CD83: variants seen among roughly 807,000 people sequenced by gnomAD.
The protein encoded by CD83 is CD83 antigen.
A neutral mutation model predicts 24.6 loss-of-function variants in CD83; 22 were observed. The observed-to-expected ratio is 0.90, with a 90% CI of 0.64 to 1.28. The LOEUF (loss-of-function observed/expected upper bound fraction) is 1.28, where lower values mean the gene tolerates loss of function less well. Ranked by LOEUF, CD83 falls within the 50% of genes most tolerant of loss-of-function variation. The pLI, the probability that CD83 is intolerant of heterozygous loss-of-function variation, is 0.00. For synonymous variants in CD83, 101 were observed against 103.5 expected (o/e 0.98, Z 0.14); for missense variants, 253 against 252.8 (o/e 1.00, Z -0.01).
At chr6:14,117,373 A>AT (rs1353859769), upstream of CD83, 7 of 152,108 alleles carry the variant, frequency 4.6e-5, no homozygotes, top group Non-Finnish European at 1.0e-4. The surrounding 1 kb of genome is among the most constrained non-coding windows in gnomAD (Gnocchi z 4.6). Flanking sequence ...GCCTCCGTAA[A>AT]ATGGGCAGAT....
At chr6:14,117,729 C>G, upstream of CD83, 3 of 1,048,716 alleles carry the variant, frequency 2.9e-6, no homozygotes, top group Non-Finnish European at 3.8e-6. This position sits in a 1 kb window ranked among gnomAD's most constrained non-coding sequence, Gnocchi z 4.6. Context: ...CAGGGAAGTT[C>G]CCGAACGCGC....
At chr6:14,118,127 A>G in intron 2 of CD83, 62 bp downstream of exon 2, 2 of 1,261,716 alleles carry the variant, frequency 1.6e-6, no homozygotes, top group Admixed American at 2.2e-5. Context: ...AGCAGGAACC[A>G]TCTCCCCTAG....
chr6:14,132,435 A>G (rs1353906223), intron 3 of CD83, among the ~76,000 whole-genome samples: 1 of 152,202 alleles, frequency 6.6e-6, no homozygotes, highest in Admixed American at 6.5e-5. Context: ...TTCCTCTTCC[A>G]TGGCGATATT....
chr6:14,128,311 C>G (rs111815749), intron 2 of CD83, among the ~76,000 whole-genome samples: 10 of 152,178 alleles, frequency 6.6e-5, no homozygotes, highest in African/African-American at 2.4e-4. Flanking sequence ...CATACGGTCC[C>G]TTGATCCTGC....
chr6:14,117,549 G>T (rs1459742311), upstream of CD83: 1 of 150,316 alleles, frequency 6.7e-6, no homozygotes, highest in African/African-American at 2.5e-5. This position sits in a 1 kb window ranked among gnomAD's most constrained non-coding sequence, Gnocchi z 4.6. Context: ...GCCCGGGCGC[G>T]CGGGGGCGGG....
intron 2 of CD83, among the ~76,000 whole-genome samples, chr6:14,118,983 C>T (rs983647536): frequency 1.3e-5 from 2 of 152,152 alleles, no homozygotes; most frequent in Admixed American, 1.3e-4. Flanking sequence ...TGTAGCTTTC[C>T]CCAAAATGCA....
In CD83 at chr6:14,133,694, C is replaced by G. The variant is rs200108463; in HGVS notation, c.428C>G (p.Ala143Gly). 1 of 1,613,796 alleles carries G rather than the reference C, an allele frequency of 6.2e-7. No homozygotes were observed. Among genetic ancestry groups the G allele is most frequent in the African/African-American group, 1.3e-5 (1 of 75,014 alleles). ...RKEETFKKYR[A>G]EIVLLLALVI... ...GAAGAGACTTTTAAGAAATACAGAGCGGAGATTGTCCTGCTGCTGGCTCTG... is the reference window on the plus strand; with the variant it reads ...GAAGAGACTTTTAAGAAATACAGAGGGGAGATTGTCCTGCTGCTGGCTCTG... Residue 143 changes from alanine to glycine, a missense_variant, in exon 4 of 5, where the codon GCG becomes GGG. By Grantham distance (60) the Ala-to-Gly change is moderately conservative (BLOSUM62 0). Coordinates refer to ENST00000379153, the MANE Select transcript of CD83 (RefSeq NM_004233.4).
At chr6:14,118,828 A>C (rs540204498) in intron 2 of CD83, among the ~76,000 whole-genome samples, 1 of 152,328 alleles carries the variant, frequency 6.6e-6, no homozygotes, top group Admixed American at 6.5e-5. Context: ...CCAAGCAGCT[A>C]CTGTTTGATA....
chr6:14,134,932 T>C (rs1486808304), intron 4 of CD83, among the ~76,000 whole-genome samples, 176 bp from the exon 5 acceptor site: 1 of 152,192 alleles, frequency 6.6e-6, no homozygotes, highest in African/African-American at 2.4e-5. Flanking sequence ...GGTCCAAGTT[T>C]AGAGACGCCA....
Position 14,135,100 on chromosome 6 carries a change from CT to C in CD83, c.490-3del. On this transcript the variant is annotated splice_polypyrimidine_tract_variant and splice_region_variant and intron_variant, in intron 4 of 4. Transcript: ENST00000379153. ...TATTCACTTCACATTTCTTTCATTT[CT>C]TTTTAGAAGTTTGCACGGCTACAGA... The C allele has an allele frequency of 1.3e-5, 21 of 1,613,100 alleles. No individual in the cohort carries two copies. Among genetic ancestry groups the C allele is most frequent in the Non-Finnish European group, 1.8e-5 (21 of 1,179,582 alleles).
rs1284985621 is a variant in CD83 at position 14,135,269 on chromosome 6, T to G, written c.*33T>G. ...TTCTGCAGGTTCTTCTTCCTGAAGCTGAGGCTCAGGGGTGTGCCTGTCTGT... is the reference window on the plus strand; with the variant it reads ...TTCTGCAGGTTCTTCTTCCTGAAGCGGAGGCTCAGGGGTGTGCCTGTCTGT... On this transcript the variant is annotated 3_prime_UTR_variant, in exon 5 of 5. Transcript: ENST00000379153. 12 of 1,610,366 alleles carry G rather than the reference T, an allele frequency of 7.5e-6. No homozygotes were observed. Among genetic ancestry groups the G allele is most frequent in the Non-Finnish European group, 1.0e-5 (12 of 1,177,444 alleles).
At chr6:14,127,679 C>T (rs1759851709) in intron 2 of CD83, among the ~76,000 whole-genome samples, 1 of 152,054 alleles carries the variant, frequency 6.6e-6, no homozygotes, top group African/African-American at 2.4e-5. Flanking sequence ...GGTCAAATCT[C>T]CATTTGAGAG....
chr6:14,122,045 CG>C (rs1477778041), intron 2 of CD83, among the ~76,000 whole-genome samples: 8 of 151,966 alleles, frequency 5.3e-5, no homozygotes, highest in Non-Finnish European at 1.0e-4. Context: ...GGTGATGCTG[CG>C]GGGGTGAGGA....
Position 14,117,892 on chromosome 6 carries a change from T to A in CD83, c.37+44T>A. ...TGTCTCGCCTGTCGCCCCCCGCCCC[T>A]CCACGACACCCCCTCCCGTCGGTCG... On this transcript the variant is annotated intron_variant, in intron 1 of 4. Coordinates refer to ENST00000379153, the MANE Select transcript of CD83 (RefSeq NM_004233.4). This position sits in a 1 kb window ranked among gnomAD's most constrained non-coding sequence, Gnocchi z 4.6. 3 of 1,579,354 alleles carry A rather than the reference T, an allele frequency of 1.9e-6. No homozygotes were observed. The highest frequency in any genetic ancestry group is 1.7e-6 in the Non-Finnish European group (2 of 1,167,032).
At position 14,129,512 on chromosome 6, in the gene CD83, C is replaced by A. The variant is rs112725482; in HGVS notation, c.154-2008C>A. ...TCCTTGGCCCCACCTCCTTTTTGTGCTTTATTTTTGCACACCTATGGGCCC... is the reference window on the plus strand; with the variant it reads ...TCCTTGGCCCCACCTCCTTTTTGTGATTTATTTTTGCACACCTATGGGCCC... On this transcript the variant is annotated intron_variant, in intron 2 of 4. Coordinates refer to ENST00000379153, the MANE Select transcript of CD83 (RefSeq NM_004233.4). The surrounding 1 kb of genome is among the most constrained non-coding windows in gnomAD (Gnocchi z 4.3). 9.6e-3 allele frequency among the ~76,000 whole-genome samples: 1,462 copies of A among 152,272 alleles called. 33 individuals are homozygous for A. The highest frequency in any genetic ancestry group is 0.033 in the African/African-American group (1,373 of 41,540).
At chr6:14,132,775 G>T (rs1435099891) in intron 3 of CD83, among the ~76,000 whole-genome samples, 1 of 152,170 alleles carries the variant, frequency 6.6e-6, no homozygotes, top group African/African-American at 2.4e-5. Context: ...TTCAGGGGTT[G>T]ACATCTCTGG....
intron 3 of CD83, 46 bp downstream of exon 3, chr6:14,131,794 G>A (rs368333644): frequency 4.6e-6 from 6 of 1,311,922 alleles, no homozygotes; most frequent in Non-Finnish European, 5.5e-6. Flanking sequence ...CAATGCATGT[G>A]TACTTCCTTT....
rs1290265665 is a variant in CD83 at position 14,118,042 on chromosome 6, C to G, written c.130C>G (p.Pro44Ala). 1 of 1,609,318 alleles carries G rather than the reference C, an allele frequency of 6.2e-7. No individual in the cohort carries two copies. The highest frequency in any genetic ancestry group is 1.3e-5 in the African/African-American group (1 of 74,764). ...PCTAPWDPQV[P>A]YTVSWVKLLE... ...CACCGCCCCCTGGGATCCGCAGGTT[C>G]CCTACACGGTCTCCTGGGTCAAGGT... Residue 44 changes from proline (P) to alanine (A), a missense_variant, in exon 2 of 5, where the codon CCC becomes GCC. By Grantham distance (27) the Pro-to-Ala change is conservative. Transcript: ENST00000379153.
chr6:14,126,787 C>T (rs987115336), intron 2 of CD83, among the ~76,000 whole-genome samples: 1 of 152,090 alleles, frequency 6.6e-6, no homozygotes, highest in African/African-American at 2.4e-5. Context: ...AACCAAGGTA[C>T]ATGAATGTTA....
Sources: allele counts gnomAD v4.1 joint callset (sites outside exome capture counted in the v4.1 genomes callset), GRCh38; gene constraint gnomAD v4.1.1; non-coding constraint Gnocchi (gnomAD v3.1); transcripts MANE v1.5; gene names NCBI Gene and HGNC (gene_info 2026-07-23, HGNC 2026-07-21).